MELK: variants seen among roughly 807,000 people sequenced by gnomAD.
MELK encodes the protein pEg3 kinase.
A neutral mutation model predicts 85.0 loss-of-function variants in MELK; 81 were observed. The ratio of observed to expected loss-of-function variants is 0.95; its 90% CI spans 0.80 to 1.15. The LOEUF (loss-of-function observed/expected upper bound fraction) is 1.15. Among genes scored for constraint, MELK ranks in the 50% most tolerant of loss-of-function variants. The pLI, the probability that MELK is intolerant of heterozygous loss-of-function variation, is 0.00. For missense variants in MELK, 754 were observed against 777.5 expected, an observed-to-expected ratio of 0.97 and a Z score of 0.36; for synonymous variants, 252 against 265.0, an observed-to-expected ratio of 0.95 and a Z score of 0.48.
chr9:36,640,591 T>G (rs573629962), intron 10 of MELK, among the ~76,000 whole-genome samples: 146 of 152,158 alleles, frequency 9.6e-4, no homozygotes, highest in Middle Eastern at 3.4e-3. Context: ...GGACTACGCA[T>G]GTGAGCCATC....
intron 11 of MELK, 125 bp from the exon 12 acceptor site, chr9:36,651,621 G>A: frequency 9.2e-7 from 1 of 1,092,410 alleles, no homozygotes. Context: ...TTCATCATAT[G>A]CTGTGTAAAC....
chr9:36,650,540 C>T (rs934746119), intron 11 of MELK, among the ~76,000 whole-genome samples: 7 of 152,130 alleles, frequency 4.6e-5, no homozygotes, highest in Admixed American at 2.6e-4. Context: ...ATCAAAACTG[C>T]GAAGATTATT....
intron 14 of MELK, among the ~76,000 whole-genome samples, chr9:36,668,136 C>T (rs1465819207): frequency 6.6e-6 from 1 of 152,170 alleles, no homozygotes; most frequent in Non-Finnish European, 1.5e-5. Flanking sequence ...GTCACTCCTA[C>T]ACAATGCAGG....
At chr9:36,580,601 A>AG (rs1199260665) in intron 1 of MELK, among the ~76,000 whole-genome samples, 10 of 149,818 alleles carry the variant, frequency 6.7e-5, no homozygotes, top group African/African-American at 2.5e-4. Context: ...TACAGGTGTG[A>AG]GCCACCTTGC....
At chr9:36,638,952 G>A (rs899231613) in intron 10 of MELK, among the ~76,000 whole-genome samples, 1 of 152,186 alleles carries the variant, frequency 6.6e-6, no homozygotes, top group African/African-American at 2.4e-5. Context: ...TAGGCTAGCT[G>A]ATTCAAGCTC....
intron 7 of MELK, 116 bp from the exon 8 acceptor site, chr9:36,607,459 A>G (rs1009454180): frequency 5.2e-6 from 4 of 769,236 alleles, no homozygotes; most frequent in Non-Finnish European, 8.8e-6. Flanking sequence ...AATGGTTGAT[A>G]TCTGAGTTCT....
chr9:36,588,013 G>A (rs1038687344), intron 3 of MELK, among the ~76,000 whole-genome samples: 8 of 151,236 alleles, frequency 5.3e-5, no homozygotes, highest in African/African-American at 1.9e-4. Flanking sequence ...CGATCTGCCC[G>A]CCTCAGCCTC....
chr9:36,576,470 C>T (rs899557589), intron 1 of MELK, among the ~76,000 whole-genome samples: 1 of 151,930 alleles, frequency 6.6e-6, no homozygotes, highest in African/African-American at 2.4e-5. Context: ...TAATTTTTTT[C>T]TTGAGTGTCG....
chr9:36,667,336 A>C (rs1832480001), intron 14 of MELK, among the ~76,000 whole-genome samples: 1 of 151,928 alleles, frequency 6.6e-6, no homozygotes, highest in African/African-American at 2.4e-5. Flanking sequence ...TCGTATTTTT[A>C]GTGAAGACAG....
At chr9:36,596,822 G>A (rs1040365085) in intron 5 of MELK, among the ~76,000 whole-genome samples, 1 of 151,786 alleles carries the variant, frequency 6.6e-6, no homozygotes, top group African/African-American at 2.4e-5. Flanking sequence ...CTGACCTCAG[G>A]TGATGTGCCT....
chr9:36,615,234 G>A (rs1826518946), intron 8 of MELK, among the ~76,000 whole-genome samples: 4 of 140,546 alleles, frequency 2.8e-5, no homozygotes, highest in African/African-American at 1.1e-4. Flanking sequence ...GGCACGGCTG[G>A]CCAGGCGGGG....
At chr9:36,580,432 G>C (rs1286967933) in intron 1 of MELK, among the ~76,000 whole-genome samples, 3 of 151,980 alleles carry the variant, frequency 2.0e-5, no homozygotes, top group Non-Finnish European at 4.4e-5. Context: ...TGATTCTCCT[G>C]TCTCACCCTC....
intron 15 of MELK, among the ~76,000 whole-genome samples, chr9:36,670,341 A>C (rs938254187): frequency 2.0e-5 from 3 of 152,188 alleles, no homozygotes; most frequent in Non-Finnish European, 4.4e-5. Context: ...ATTTCAGAAC[A>C]AAAGGATAAA....
At chr9:36,584,582 C>T (rs1172778469) in intron 3 of MELK, among the ~76,000 whole-genome samples, 1 of 150,554 alleles carries the variant, frequency 6.6e-6, no homozygotes, top group Non-Finnish European at 1.5e-5. Flanking sequence ...AACCGCGTGC[C>T]TCGACCTCCC....
At chr9:36,597,075 T>G (rs1229902581) in intron 5 of MELK, 147 bp from the exon 6 acceptor site, 1 of 601,306 alleles carries the variant, frequency 1.7e-6, no homozygotes, top group Non-Finnish European at 2.9e-6. Flanking sequence ...TGGGCTCAAA[T>G]AATCCTCTCT....
intron 8 of MELK, among the ~76,000 whole-genome samples, chr9:36,608,742 C>T (rs555578127): frequency 6.3e-4 from 96 of 152,130 alleles, no homozygotes; most frequent in African/African-American, 2.2e-3. Context: ...CCACCACGCC[C>T]GGCTAATTTT....
chr9:36,657,796 T>C (rs900743672), intron 13 of MELK, among the ~76,000 whole-genome samples: 1 of 152,132 alleles, frequency 6.6e-6, no homozygotes, highest in African/African-American at 2.4e-5. Flanking sequence ...TGTTGGCAGC[T>C]GGTCTCGAAC....
At chr9:36,596,563 G>GTT (rs750016508) in intron 5 of MELK, among the ~76,000 whole-genome samples, 1 of 106,130 alleles carries the variant, frequency 9.4e-6, no homozygotes, top group African/African-American at 5.1e-5. Flanking sequence ...GGCCCTTTTT[G>GTT]TTTTTTTTGT....
Position 36,671,013 on chromosome 9 carries a change from A to G in MELK, c.1521A>G (p.Glu507=), listed in dbSNP as rs749115289. 1 of 1,609,930 alleles carries G rather than the reference A, an allele frequency of 6.2e-7. No individual in the cohort carries two copies. The highest frequency in any genetic ancestry group is 8.5e-7 in the Non-Finnish European group (1 of 1,178,562). ...TTTGTTTCAGGTGCCGCTCAGTGGA[A>G]TTGGATCTCAACCAAGCACATATGG... ...ISPERRCRSV[E]LDLNQAHMEE... Residue 507 remains glutamate, a synonymous_variant, in exon 16 of 18, where the codon GAA becomes GAG. Transcript: ENST00000298048.
Sources: allele counts gnomAD v4.1 joint callset (sites outside exome capture counted in the v4.1 genomes callset), GRCh38; gene constraint gnomAD v4.1.1; transcripts MANE v1.5; gene names NCBI Gene and HGNC (gene_info 2026-07-23, HGNC 2026-07-21).